Variants in FBXL17 observed in about 807,000 individuals in gnomAD.
The protein encoded by FBXL17 is F-box and leucine rich repeat protein 17, also known as F-box/LRR-repeat protein 17.
Under a neutral mutation model 66.2 loss-of-function variants are expected in FBXL17, and 22 were observed. That is an observed-to-expected ratio of 0.33 (90% CI 0.24 to 0.47). The LOEUF (loss-of-function observed/expected upper bound fraction) is 0.47, where lower values mean the gene tolerates loss of function less well. Ranked by LOEUF, FBXL17 falls within the 20% of genes least tolerant of loss-of-function variation. FBXL17 has a pLI of 1.00. For synonymous variants in FBXL17, 474 were observed against 400.5 expected (o/e 1.18, Z -2.19); for missense variants, 878 against 948.2 (o/e 0.93, Z 0.97).
intron 6 of FBXL17, among the ~76,000 whole-genome samples, chr5:108,092,159 C>T (rs1379863893): frequency 6.6e-6 from 1 of 152,166 alleles, no homozygotes; most frequent in Non-Finnish European, 1.5e-5. Context: ...CAGAGAAGCT[C>T]TTCAAAGCCT....
rs73214601 is a variant in FBXL17 at position 108,313,139 on chromosome 5, A to C, written c.1506+35260T>G. 4.1e-3 allele frequency among the ~76,000 whole-genome samples: 619 copies of C among 152,244 alleles called. 4 individuals carry two copies. Among genetic ancestry groups the C allele is most frequent in the African/African-American group, 0.014 (590 of 41,576 alleles). ...TAGCCATCGAAGAAATAACATACTT[A>C]TAAGAAGAGATGATAAAGTAGAGAT... On this transcript the variant is annotated intron_variant, in intron 4 of 8. Coordinates refer to ENST00000542267, the MANE Select transcript of FBXL17 (RefSeq NM_001163315.3).
intron 7 of FBXL17, among the ~76,000 whole-genome samples, chr5:107,950,735 C>A (rs1359950126): frequency 6.6e-6 from 1 of 152,156 alleles, no homozygotes; most frequent in South Asian, 2.1e-4. Context: ...TTTACAACCT[C>A]AAATCTGCTA....
At chr5:108,265,024 A>G (rs1045623415) in intron 4 of FBXL17, among the ~76,000 whole-genome samples, 2 of 152,072 alleles carry the variant, frequency 1.3e-5, no homozygotes, top group African/African-American at 4.8e-5. Flanking sequence ...AAAAGATTAT[A>G]TGAATTAATA....
chr5:108,333,198 C>G (rs1009722553), intron 4 of FBXL17, among the ~76,000 whole-genome samples: 1 of 148,726 alleles, frequency 6.7e-6, no homozygotes, highest in East Asian at 1.9e-4. Flanking sequence ...TGAAATTTCC[C>G]AAGCATAAAA....
chr5:107,916,825 G>A (rs562970756), intron 7 of FBXL17, among the ~76,000 whole-genome samples: 1 of 152,312 alleles, frequency 6.6e-6, no homozygotes, highest in East Asian at 1.9e-4. Flanking sequence ...CAGACTGAAT[G>A]AGAAAATGCC....
At chr5:108,376,646 T>C (rs1222290533) in intron 1 of FBXL17, among the ~76,000 whole-genome samples, 1 of 152,238 alleles carries the variant, frequency 6.6e-6, no homozygotes, top group Non-Finnish European at 1.5e-5. Context: ...CTAAGTCTAA[T>C]ATCTAGGCTC....
chr5:108,059,769 T>C (rs903178973), intron 6 of FBXL17, among the ~76,000 whole-genome samples: 1 of 152,174 alleles, frequency 6.6e-6, no homozygotes, highest in Non-Finnish European at 1.5e-5. Context: ...TCCTTGCTAA[T>C]ACACGTACAA....
chr5:108,272,124 A>G (rs751983515), intron 4 of FBXL17, among the ~76,000 whole-genome samples: 12 of 152,004 alleles, frequency 7.9e-5, no homozygotes, highest in Non-Finnish European at 1.8e-4. Context: ...CCCCATCTCT[A>G]CTAAAAATAC....
intron 6 of FBXL17, among the ~76,000 whole-genome samples, chr5:108,133,998 C>T (rs972628121): frequency 2.1e-4 from 32 of 152,136 alleles, no homozygotes; most frequent in Middle Eastern, 6.8e-3. Flanking sequence ...AATTTAAGTA[C>T]TGGCAGTAAG....
intron 7 of FBXL17, among the ~76,000 whole-genome samples, chr5:107,935,788 T>C (rs778959102): frequency 6.6e-6 from 1 of 152,068 alleles, no homozygotes; most frequent in Non-Finnish European, 1.5e-5. Flanking sequence ...GTTCACAAGA[T>C]CTCATTCCAT....
chr5:108,261,871 C>A (rs1031494438), intron 4 of FBXL17, among the ~76,000 whole-genome samples: 1 of 151,798 alleles, frequency 6.6e-6, no homozygotes, highest in African/African-American at 2.4e-5. Flanking sequence ...CAACAAAATT[C>A]CAAACAAAAA....
At chr5:107,878,336 T>C (rs953924125) in intron 8 of FBXL17, 1 of 924,066 alleles carries the variant, frequency 1.1e-6, no homozygotes, top group Non-Finnish European at 1.3e-6. Flanking sequence ...CAGGTTAATA[T>C]AATGATATGG....
chr5:107,928,438 G>T (rs1047127470), intron 7 of FBXL17, among the ~76,000 whole-genome samples: 2 of 151,020 alleles, frequency 1.3e-5, no homozygotes, highest in South Asian at 4.2e-4. Flanking sequence ...TTTTAAGTCA[G>T]CAAAGATGAC....
intron 6 of FBXL17, among the ~76,000 whole-genome samples, chr5:108,093,362 A>G (rs1433100303): frequency 6.6e-6 from 1 of 152,090 alleles, no homozygotes; most frequent in Non-Finnish European, 1.5e-5. Context: ...AAGAAAACTC[A>G]GTCCTGCACC....
At chr5:108,276,800 C>T (rs1225439596) in intron 4 of FBXL17, among the ~76,000 whole-genome samples, 1 of 152,100 alleles carries the variant, frequency 6.6e-6, no homozygotes, top group African/African-American at 2.4e-5. Flanking sequence ...AGCCCTTAGA[C>T]ATTTTGAAAT....
chr5:108,145,128 T>G (rs10076114), intron 6 of FBXL17, among the ~76,000 whole-genome samples: 254 of 152,282 alleles, frequency 1.7e-3, no homozygotes, highest in African/African-American at 5.9e-3. Context: ...TTCCATATAC[T>G]TTGATATACT....
At chr5:107,906,536 C>T (rs1426180266) in intron 7 of FBXL17, among the ~76,000 whole-genome samples, 1 of 152,072 alleles carries the variant, frequency 6.6e-6, no homozygotes, top group Non-Finnish European at 1.5e-5. Context: ...AATGAGAAGG[C>T]TACATTTCAG....
chr5:108,189,316 T>C (rs1424431481), intron 5 of FBXL17, among the ~76,000 whole-genome samples: 10 of 119,102 alleles, frequency 8.4e-5, no homozygotes, highest in African/African-American at 3.3e-4. Context: ...TGGGATGGGA[T>C]GGGATGGGAT....
chr5:107,995,759 G>A (rs1017675753), intron 7 of FBXL17, among the ~76,000 whole-genome samples: 1 of 152,012 alleles, frequency 6.6e-6, no homozygotes, highest in South Asian at 2.1e-4. Context: ...TAAATAAGTA[G>A]TATTAAATCA....
Sources: gnomAD v4.1 joint callset for allele counts (sites outside exome capture counted in the v4.1 genomes callset) on GRCh38, gnomAD v4.1.1 for gene constraint, MANE v1.5 for transcripts, NCBI Gene and HGNC (gene_info 2026-07-23, HGNC 2026-07-21) for gene names.